CNTNAP2: variants seen among roughly 807,000 people sequenced by gnomAD.
The protein encoded by CNTNAP2 is contactin-associated protein-like 2.
CNTNAP2 carries 98 observed loss-of-function variants against 155.2 expected under a neutral mutation model. The observed-to-expected ratio is 0.63, with a 90% CI of 0.54 to 0.75. CNTNAP2 has a LOEUF of 0.75. Among genes scored for constraint, CNTNAP2 ranks in the 30% least tolerant of loss-of-function variants. The pLI is 0.00. For missense variants in CNTNAP2, 1,727 were observed against 1,688.1 expected (o/e 1.02, Z -0.40); for synonymous variants, 651 against 631.2 (o/e 1.03, Z -0.47).
chr7:147,478,555 A>G (rs1022896411), intron 10 of CNTNAP2, among the ~76,000 whole-genome samples: 1 of 152,192 alleles, frequency 6.6e-6, no homozygotes, highest in Admixed American at 6.5e-5. Context: ...CGGGGCTAGT[A>G]TGCTACCCAA....
At chr7:146,463,139 C>T (rs1292409470) in intron 1 of CNTNAP2, among the ~76,000 whole-genome samples, 1 of 152,028 alleles carries the variant, frequency 6.6e-6, no homozygotes, top group African/African-American at 2.4e-5. Flanking sequence ...GAAATAAAAA[C>T]TTAAGACAGA....
chr7:147,945,790 T>C (rs1343087368), intron 14 of CNTNAP2, among the ~76,000 whole-genome samples: 1 of 151,414 alleles, frequency 6.6e-6, no homozygotes, highest in African/African-American at 2.4e-5. Context: ...TTCACCTAGG[T>C]GCCTTGGTTG....
At chr7:147,152,118 A>G (rs375623016) in intron 8 of CNTNAP2, among the ~76,000 whole-genome samples, 99 of 152,286 alleles carry the variant, frequency 6.5e-4, no homozygotes, top group African/African-American at 2.3e-3. Flanking sequence ...ACCCAGCCTA[A>G]GCAGTTTATA....
chr7:148,031,675 T>A (rs4726914), intron 15 of CNTNAP2, among the ~76,000 whole-genome samples: 49,786 of 152,040 alleles, frequency 0.33, 9,691 homozygotes, highest in East Asian at 0.77. Context: ...TCAGTGGTGT[T>A]GCCCAGGGGA....
chr7:147,713,579 G>T (rs1796435255), intron 13 of CNTNAP2, among the ~76,000 whole-genome samples: 1 of 152,124 alleles, frequency 6.6e-6, no homozygotes, highest in African/African-American at 2.4e-5. Flanking sequence ...TCCAATGTGG[G>T]ACCATAAAGC....
chr7:146,727,659 T>C (rs1415929319), intron 1 of CNTNAP2, among the ~76,000 whole-genome samples: 1 of 152,218 alleles, frequency 6.6e-6, no homozygotes, highest in African/African-American at 2.4e-5. Context: ...TACAGGGTCA[T>C]GTTTTTCAGG....
intron 12 of CNTNAP2, among the ~76,000 whole-genome samples, chr7:147,594,577 T>A (rs1800794712): frequency 6.6e-6 from 1 of 152,224 alleles, no homozygotes; most frequent in African/African-American, 2.4e-5. Flanking sequence ...CTGATCTGCT[T>A]ATTTTCTGGG....
intron 1 of CNTNAP2, among the ~76,000 whole-genome samples, chr7:146,602,426 A>T (rs1798964819): frequency 1.3e-5 from 2 of 152,208 alleles, no homozygotes. Context: ...GAAAGACAGC[A>T]AAGGAAAGAA....
chr7:146,342,667 A>G (rs1183416474), intron 1 of CNTNAP2, among the ~76,000 whole-genome samples: 1 of 152,196 alleles, frequency 6.6e-6, no homozygotes, highest in Non-Finnish European at 1.5e-5. Context: ...AGGTGTATCT[A>G]TGTAATAAAG....
rs143040435 is a variant in CNTNAP2 at position 146,348,997 on chromosome 7, T to A, written c.97+232024T>A. Among the ~76,000 whole-genome samples the A allele has an allele frequency of 6.7e-3, 1,023 of 152,152 alleles. 12 individuals are homozygous for A. The highest frequency in any genetic ancestry group is 0.022 in the African/African-American group (919 of 41,540). Reference sequence around the variant, plus strand: ...TTTTATTGTCGTGTTAATAAAGCAGTTTTAAATATAGCTGAGCTTAAAATC... The same window carrying A: ...TTTTATTGTCGTGTTAATAAAGCAGATTTAAATATAGCTGAGCTTAAAATC... On this transcript the variant is annotated intron_variant, in intron 1 of 23. Coordinates refer to ENST00000361727, the MANE Select transcript of CNTNAP2 (RefSeq NM_014141.6).
intron 8 of CNTNAP2, among the ~76,000 whole-genome samples, chr7:147,166,637 G>T (rs903810565): frequency 6.6e-6 from 1 of 152,104 alleles, no homozygotes; most frequent in Non-Finnish European, 1.5e-5. Context: ...GGGTGCAGGC[G>T]GGCTGAGTCT....
chr7:146,651,056 A>G (rs1446835207), intron 1 of CNTNAP2, among the ~76,000 whole-genome samples: 1 of 152,076 alleles, frequency 6.6e-6, no homozygotes, highest in African/African-American at 2.4e-5. Flanking sequence ...GATTCTCCAT[A>G]AAACAGACTA....
At chr7:146,585,791 GGGAA>G (rs1177793840) in intron 1 of CNTNAP2, among the ~76,000 whole-genome samples, 3 of 151,352 alleles carry the variant, frequency 2.0e-5, no homozygotes, top group African/African-American at 4.9e-5. Flanking sequence ...AAGAAGGGGA[GGGAA>G]GGAAGGAAGG....
chr7:147,142,230 T>G (rs1801612465), intron 8 of CNTNAP2, among the ~76,000 whole-genome samples: 1 of 152,188 alleles, frequency 6.6e-6, no homozygotes, highest in South Asian at 2.1e-4. Context: ...CAGCTCTTAT[T>G]ATTTTGAGAT....
At chr7:147,420,201 G>A (rs914381533) in intron 10 of CNTNAP2, among the ~76,000 whole-genome samples, 6 of 152,240 alleles carry the variant, frequency 3.9e-5, no homozygotes, top group East Asian at 1.9e-4. Context: ...TCCAGCATAC[G>A]GAGAGGGTCA....
chr7:147,800,155 T>G (rs1461883506), intron 13 of CNTNAP2, among the ~76,000 whole-genome samples: 1 of 152,218 alleles, frequency 6.6e-6, no homozygotes, highest in Non-Finnish European at 1.5e-5. Flanking sequence ...GTGCCAAATT[T>G]TGTCTATACT....
At chr7:146,681,917 T>C (rs560530662) in intron 1 of CNTNAP2, among the ~76,000 whole-genome samples, 2 of 152,300 alleles carry the variant, frequency 1.3e-5, no homozygotes, top group South Asian at 4.1e-4. Flanking sequence ...TCTATCTAAG[T>C]ATTCCACATA....
At chr7:148,349,405 C>CTTTTTTTT (rs369932664) in intron 21 of CNTNAP2, among the ~76,000 whole-genome samples, 4 of 135,630 alleles carry the variant, frequency 2.9e-5, no homozygotes, top group African/African-American at 8.3e-5. Context: ...AAAAAAATCT[C>CTTTTTTTT]TCTTTTTTTT....
chr7:147,879,360 T>C (rs1295390435), intron 13 of CNTNAP2, among the ~76,000 whole-genome samples: 1 of 152,206 alleles, frequency 6.6e-6, no homozygotes, highest in Admixed American at 6.5e-5. Flanking sequence ...AAAATGAAGT[T>C]GTCAAGCAAG....
Sources: allele counts gnomAD v4.1 joint callset (sites outside exome capture counted in the v4.1 genomes callset), GRCh38; gene constraint gnomAD v4.1.1; transcripts MANE v1.5; gene names NCBI Gene and HGNC (gene_info 2026-07-23, HGNC 2026-07-21).